ROR2: variants seen among roughly 807,000 people sequenced by gnomAD.
The protein encoded by ROR2 is ROR family WNT receptor 2, also known as tyrosine-protein kinase transmembrane receptor ROR2.
In ROR2, 33 loss-of-function variants were observed where a neutral mutation model predicts 74.9. The ratio of observed to expected loss-of-function variants is 0.44; its 90% CI spans 0.33 to 0.59. ROR2 has a LOEUF of 0.59. Ranked by LOEUF, ROR2 falls within the 20% of genes least tolerant of loss-of-function variation. The probability of loss-of-function intolerance (pLI) is 0.02; values close to 1 mark genes in which losing one functional copy is unlikely to be tolerated. For synonymous variants in ROR2, 586 were observed against 558.7 expected (o/e 1.05, Z -0.69); for missense variants, 1,216 against 1,313.8 (o/e 0.93, Z 1.15).
Position 91,733,449 on chromosome 9 carries a change from C to T in ROR2, c.623-13G>A, listed in dbSNP as rs762532658. 1.4e-5 allele frequency: 23 copies of T among 1,607,514 alleles called. No individual in the cohort carries two copies. Among genetic ancestry groups the T allele is most frequent in the African/African-American group, 1.2e-4 (9 of 75,028 alleles). ...ATGGTGAAGGCCGCTGCAGAGCCCG[C>T]GAGACTCGCGTTAGCGGGGGACCCA... is the stretch of plus-strand genomic sequence containing the variant. On this transcript the variant is annotated splice_polypyrimidine_tract_variant and intron_variant, in intron 5 of 8. Transcript: ENST00000375708. This position sits in a 1 kb window ranked among gnomAD's most constrained non-coding sequence, Gnocchi z 5.7.
chr9:91,835,473 C>A (rs1321122457), intron 1 of ROR2, among the ~76,000 whole-genome samples: 1 of 152,112 alleles, frequency 6.6e-6, no homozygotes, highest in Non-Finnish European at 1.5e-5. Context: ...CCTGTCAGAG[C>A]CACTGGGGGC....
At chr9:91,930,092 C>G (rs867258258) in intron 1 of ROR2, among the ~76,000 whole-genome samples, 2 of 152,030 alleles carry the variant, frequency 1.3e-5, no homozygotes, top group Non-Finnish European at 1.5e-5. Flanking sequence ...AGGAGGAAAC[C>G]AACCCAGCCA....
chr9:91,910,320 A>T (rs1217802705), intron 1 of ROR2, among the ~76,000 whole-genome samples: 1 of 152,032 alleles, frequency 6.6e-6, no homozygotes, highest in African/African-American at 2.4e-5. Context: ...TTATCAAACA[A>T]CTCCAAAATA....
chr9:91,811,862 G>C (rs80314567), intron 1 of ROR2, among the ~76,000 whole-genome samples: 5 of 152,102 alleles, frequency 3.3e-5, no homozygotes, highest in Non-Finnish European at 7.3e-5. Context: ...AACAGATCCC[G>C]GCACACTTTA....
intron 1 of ROR2, among the ~76,000 whole-genome samples, chr9:91,909,998 A>G (rs773615186): frequency 1.2e-4 from 18 of 151,372 alleles, no homozygotes; most frequent in Non-Finnish European, 2.4e-4. Flanking sequence ...AGTAGCTGGG[A>G]CTACAGGCGC....
intron 1 of ROR2, among the ~76,000 whole-genome samples, chr9:91,850,920 A>C (rs7847061): frequency 2.6e-5 from 4 of 151,918 alleles, no homozygotes; most frequent in African/African-American, 9.7e-5. Flanking sequence ...TATTTTTTTC[A>C]GGGGGTGACT....
intron 1 of ROR2, among the ~76,000 whole-genome samples, chr9:91,815,294 G>A (rs1247799784): frequency 1.3e-5 from 2 of 152,212 alleles, no homozygotes; most frequent in Admixed American, 6.5e-5. Flanking sequence ...TTCATGGTGT[G>A]TATAAAATGA....
At chr9:91,736,001 A>G (rs1475254589) in intron 5 of ROR2, among the ~76,000 whole-genome samples, 2 of 152,194 alleles carry the variant, frequency 1.3e-5, no homozygotes, top group East Asian at 3.9e-4. Context: ...CCTGTAACCT[A>G]TGTCAGTTGT....
intron 1 of ROR2, among the ~76,000 whole-genome samples, chr9:91,852,661 A>ACACACACACACACACACACACACACACAC (rs1829141617): frequency 6.6e-6 from 1 of 151,510 alleles, no homozygotes; most frequent in African/African-American, 2.4e-5. Context: ...CCACACACAC[A>ACACACACACACACACACACACACACACAC]ATGTAAGTCC....
intron 2 of ROR2, among the ~76,000 whole-genome samples, chr9:91,757,973 T>C (rs1262052641): frequency 6.6e-6 from 1 of 152,170 alleles, no homozygotes; most frequent in Admixed American, 6.5e-5. Flanking sequence ...ATAAGGCATG[T>C]CGCAGCTTTC....
intron 1 of ROR2, among the ~76,000 whole-genome samples, chr9:91,917,606 C>T (rs1831168902): frequency 6.6e-6 from 1 of 152,182 alleles, no homozygotes; most frequent in African/African-American, 2.4e-5. Context: ...GCCAACCCTC[C>T]CCACAGCGGG....
chr9:91,836,666 C>A (rs1288234392), intron 1 of ROR2, among the ~76,000 whole-genome samples: 1 of 152,260 alleles, frequency 6.6e-6, no homozygotes, highest in East Asian at 1.9e-4. Flanking sequence ...CACCCCCGGT[C>A]TGGGGGCTGT....
intron 1 of ROR2, among the ~76,000 whole-genome samples, chr9:91,852,509 G>T (rs1032921463): frequency 6.6e-6 from 1 of 152,098 alleles, no homozygotes; most frequent in Non-Finnish European, 1.5e-5. Context: ...AATACAGGAG[G>T]ATTTCCTGAA....
intron 1 of ROR2, among the ~76,000 whole-genome samples, chr9:91,904,435 A>T (rs1449690027): frequency 6.6e-6 from 1 of 152,218 alleles, no homozygotes; most frequent in Non-Finnish European, 1.5e-5. Context: ...AAAGGGCTGG[A>T]AGGCCCAAGG....
At chr9:91,830,160 A>T (rs1351105535) in intron 1 of ROR2, among the ~76,000 whole-genome samples, 1 of 152,162 alleles carries the variant, frequency 6.6e-6, no homozygotes, top group Non-Finnish European at 1.5e-5. Context: ...GAATTTATAG[A>T]TTATGTCATT....
At chr9:91,759,200 A>G (rs965681086) in intron 2 of ROR2, among the ~76,000 whole-genome samples, 1 of 151,824 alleles carries the variant, frequency 6.6e-6, no homozygotes, top group African/African-American at 2.4e-5. Context: ...GTGGAGGTGG[A>G]GGTGATGGAG....
chr9:91,860,697 G>A (rs995678122), intron 1 of ROR2, among the ~76,000 whole-genome samples: 1 of 152,194 alleles, frequency 6.6e-6, no homozygotes, highest in South Asian at 2.1e-4. Context: ...GGCAAGAGGA[G>A]GGTGTCTCAG....
In ROR2 at chr9:91,839,249, GGGGTGTGTGTGTGT is replaced by G. The variant is rs200626815; in HGVS notation, c.98-63445_98-63432del. Among the ~76,000 whole-genome samples, 580 of 132,586 alleles carry G rather than the reference GGGGTGTGTGTGTGT, an allele frequency of 4.4e-3. 7 individuals carry two copies. Among genetic ancestry groups the G allele is most frequent in the East Asian group, 0.015 (72 of 4,658 alleles). 87.0% of individuals were successfully genotyped at this position (132,586 alleles called of 152,430 possible). On this transcript the variant is annotated intron_variant, in intron 1 of 8. Coordinates refer to ENST00000375708, the MANE Select transcript of ROR2 (RefSeq NM_004560.4). ...CCTGATTCCTGGTGCTGTCAGATCG[GGGGTGTGTGTGTGT>G]GTGTGTGTGTGTGTGTGTGTGTGTG...
In ROR2 at chr9:91,737,674, A is replaced by T. The variant is rs1587670564; in HGVS notation, c.495-156T>A. 3.9e-5 allele frequency among the ~76,000 whole-genome samples: 6 copies of T among 152,334 alleles called. 1 individual carries two copies. In the South Asian group the frequency reaches 1.2e-3, roughly 32 times the overall value. ...AAGTAGAACACATAAGTCACACAAA[A>T]ACCTGTATGTAAATGTTTATGGCAG... On this transcript the variant is annotated intron_variant, in intron 4 of 8. Coordinates refer to ENST00000375708, the MANE Select transcript of ROR2 (RefSeq NM_004560.4).
Sources: gnomAD v4.1 joint callset for allele counts (sites outside exome capture counted in the v4.1 genomes callset) on GRCh38, gnomAD v4.1.1 for gene constraint, Gnocchi (gnomAD v3.1) non-coding constraint, MANE v1.5 for transcripts, NCBI Gene and HGNC (gene_info 2026-07-23, HGNC 2026-07-21) for gene names.